The following RNGTT variants were observed in gnomAD, a reference collection of about 807,000 sequenced individuals.
RNGTT encodes RNA guanylyltransferase and 5'-phosphatase.
A neutral mutation model predicts 79.3 loss-of-function variants in RNGTT; 33 were observed. The observed-to-expected ratio is 0.42, with a 90% CI of 0.32 to 0.56. The LOEUF (loss-of-function observed/expected upper bound fraction) is 0.56, where lower values mean the gene tolerates loss of function less well. RNGTT is among the 20% of genes least tolerant of loss of function. The pLI, the probability that RNGTT is intolerant of heterozygous loss-of-function variation, is 0.17. For synonymous variants in RNGTT, 222 were observed against 235.9 expected, an observed-to-expected ratio of 0.94 and a Z score of 0.54; for missense variants, 497 against 739.1, an observed-to-expected ratio of 0.67 and a Z score of 3.80.
chr6:88,659,806 C>A (rs1774115622), intron 14 of RNGTT, among the ~76,000 whole-genome samples: 1 of 152,050 alleles, frequency 6.6e-6, no homozygotes, highest in Non-Finnish European at 1.5e-5. Context: ...CAAAGAACAC[C>A]CGGGAAGTTC....
chr6:88,661,230 C>T (rs766306135), intron 14 of RNGTT, among the ~76,000 whole-genome samples: 1 of 152,018 alleles, frequency 6.6e-6, no homozygotes, highest in Admixed American at 6.6e-5. Context: ...AGAGCACAAA[C>T]AGACAATCTA....
intron 11 of RNGTT, among the ~76,000 whole-genome samples, chr6:88,836,613 G>A (rs928345334): frequency 1.1e-4 from 16 of 151,956 alleles, no homozygotes; most frequent in Middle Eastern, 3.4e-3. Flanking sequence ...ATGATAACAC[G>A]TGCTTATAGT....
chr6:88,751,153 TTTC>T (rs1305560256), intron 13 of RNGTT, among the ~76,000 whole-genome samples: 2 of 152,302 alleles, frequency 1.3e-5, no homozygotes, highest in South Asian at 4.1e-4. Context: ...AGTCCATTTT[TTTC>T]TTTTCCATAA....
chr6:88,957,250 C>G (rs574964704), intron 1 of RNGTT, among the ~76,000 whole-genome samples: 64 of 152,150 alleles, frequency 4.2e-4, no homozygotes, highest in Non-Finnish European at 7.6e-4. Flanking sequence ...ATGACAAACA[C>G]ATGACCAACA....
In RNGTT at chr6:88,834,317, C is replaced by T. The variant is rs117715680; in HGVS notation, c.1269+10040G>A. Among the ~76,000 whole-genome samples, 11 of 152,158 alleles carry T rather than the reference C, an allele frequency of 7.2e-5. No individual in the cohort carries two copies. In the East Asian group the frequency reaches 9.7e-4, roughly 13 times the overall value. ...GAAAGTATGAATTCTCTTTAGTATG[C>T]GTTATATGATTTTCTTAAATTTCCC... On this transcript the variant is annotated intron_variant, in intron 11 of 15. Transcript: ENST00000369485.
At chr6:88,878,229 A>G (rs562139897) in intron 8 of RNGTT, among the ~76,000 whole-genome samples, 1 of 151,832 alleles carries the variant, frequency 6.6e-6, no homozygotes, top group African/African-American at 2.4e-5. Flanking sequence ...CCAGGTAGCT[A>G]GGATTACAGA....
rs548568355 is a variant in RNGTT, at chr6:88,739,240, A to G, written c.1439+30534T>C. On this transcript the variant is annotated intron_variant, in intron 13 of 15. Transcript: ENST00000369485. ...GTAAGACAAAAGGTGAAGCAAATTT[A>G]TGGAACCAAGAACTCTTCTAAGAAG... Among the ~76,000 whole-genome samples, 6 of 152,264 alleles carry G rather than the reference A, an allele frequency of 3.9e-5. No homozygotes were observed. In the East Asian group the frequency reaches 1.2e-3, roughly 29 times the overall value.
chr6:88,963,300 G>A (rs1379261711), intron 1 of RNGTT, 46 bp downstream of exon 1: 1 of 1,601,514 alleles, frequency 6.2e-7, no homozygotes, highest in Non-Finnish European at 8.5e-7. Flanking sequence ...CCCACCCCCG[G>A]GCACGTTGGA....
chr6:88,792,674 T>C (rs928997771), intron 12 of RNGTT, among the ~76,000 whole-genome samples: 5 of 152,202 alleles, frequency 3.3e-5, no homozygotes, highest in Admixed American at 6.5e-5. Context: ...ATCTGGGGCT[T>C]TGGCAAATCA....
chr6:88,657,933 C>A lies in RNGTT; in HGVS notation c.1506+20420G>T, dbSNP rs1031664505. Among the ~76,000 whole-genome samples, 5 of 152,192 alleles carry A rather than the reference C, an allele frequency of 3.3e-5. No individual in the cohort carries two copies. In the South Asian group the frequency reaches 1.0e-3, roughly 32 times the overall value. On this transcript the variant is annotated intron_variant, in intron 14 of 15. Coordinates refer to ENST00000369485, the MANE Select transcript of RNGTT (RefSeq NM_003800.5). ...GCTCAAGGAGAGTCTGAGCTCAGAT[C>A]TGCCCAATCCTGCCCCATCTGATGG...
chr6:88,727,977 G>A (rs1776975860), intron 13 of RNGTT, among the ~76,000 whole-genome samples: 1 of 152,128 alleles, frequency 6.6e-6, no homozygotes, highest in African/African-American at 2.4e-5. Context: ...GTCAGCCCGG[G>A]AAGGACCCTA....
intron 8 of RNGTT, among the ~76,000 whole-genome samples, chr6:88,882,592 C>G (rs966406160): frequency 6.6e-6 from 1 of 152,118 alleles, no homozygotes; most frequent in East Asian, 1.9e-4. Flanking sequence ...TAAAATATAA[C>G]CAAGTGCTAC....
At chr6:88,689,122 G>A (rs9362538) in intron 13 of RNGTT, among the ~76,000 whole-genome samples, 40,251 of 151,942 alleles carry the variant, frequency 0.26, 9,298 homozygotes, top group African/African-American at 0.63. Flanking sequence ...CCCTTGCATT[G>A]TTCATGGGTC....
chr6:88,800,541 C>G (rs1482965337), intron 12 of RNGTT, among the ~76,000 whole-genome samples: 1 of 152,152 alleles, frequency 6.6e-6, no homozygotes, highest in Non-Finnish European at 1.5e-5. Flanking sequence ...AGAAAAAAAG[C>G]AGCATATGAT....
intron 13 of RNGTT, among the ~76,000 whole-genome samples, chr6:88,727,404 C>T (rs1776952448): frequency 6.6e-6 from 1 of 152,054 alleles, no homozygotes; most frequent in South Asian, 2.1e-4. Context: ...AACATATTGG[C>T]TAAAGTTAAA....
rs1337758179 is a variant in RNGTT, at chr6:88,904,856, C to T, written c.543G>A (p.Glu181=). ...GCAATAGAGGTGGGGGTGGTGCTTC[C>T]TCTATGTCACCATACCGACGAAAAA... ...KELFRRYGDI[E]EAPPPPLLPD... Residue 181 remains glutamate, a synonymous_variant, in exon 6 of 16, where the codon GAG becomes GAA. Coordinates refer to ENST00000369485, the MANE Select transcript of RNGTT (RefSeq NM_003800.5). 5 of 1,614,042 alleles carry T rather than the reference C, an allele frequency of 3.1e-6. No individual in the cohort carries two copies. The highest frequency in any genetic ancestry group is 1.7e-5 in the Admixed American group (1 of 60,002).
chr6:88,765,954 C>T (rs1258757054), intron 13 of RNGTT, among the ~76,000 whole-genome samples: 2 of 152,126 alleles, frequency 1.3e-5, no homozygotes, highest in South Asian at 4.1e-4. Context: ...ATGATTCACA[C>T]AGAAAGTTGG....
At chr6:88,786,463 A>T (rs747090190) in intron 12 of RNGTT, among the ~76,000 whole-genome samples, 1 of 152,216 alleles carries the variant, frequency 6.6e-6, no homozygotes, top group Non-Finnish European at 1.5e-5. Context: ...TTAAGTGACG[A>T]ATGGCCAAAA....
At chr6:88,715,997 G>A (rs264572) in intron 13 of RNGTT, among the ~76,000 whole-genome samples, 11,863 of 150,964 alleles carry the variant, frequency 0.079, 1,606 homozygotes, top group African/African-American at 0.28. Flanking sequence ...GCTTCTGCAC[G>A]GCAAAAGAAA....
Sources: gnomAD v4.1 joint callset for allele counts (sites outside exome capture counted in the v4.1 genomes callset) on GRCh38, gnomAD v4.1.1 for gene constraint, MANE v1.5 for transcripts, NCBI Gene and HGNC (gene_info 2026-07-23, HGNC 2026-07-21) for gene names.